The following ABCC6 variants were observed in gnomAD, a reference collection of about 807,000 sequenced individuals.
ABCC6 encodes ATP-binding cassette sub-family C member 6.
Under a neutral mutation model 169.5 loss-of-function variants are expected in ABCC6, and 126 were observed. The ratio of observed to expected loss-of-function variants is 0.74; its 90% CI spans 0.64 to 0.86. The LOEUF is 0.86. Ranked by LOEUF, ABCC6 falls within the 40% of genes least tolerant of loss-of-function variation. The probability of loss-of-function intolerance (pLI) is 0.00; values close to 1 mark genes in which losing one functional copy is unlikely to be tolerated. For missense variants in ABCC6, 1,733 were observed against 1,927.2 expected (o/e 0.90, Z 1.89); for synonymous variants, 752 against 814.7 (o/e 0.92, Z 1.31).
At chr16:16,204,599 G>A (rs2048335334) in intron 7 of ABCC6, among the ~76,000 whole-genome samples, 1 of 152,164 alleles carries the variant, frequency 6.6e-6, no homozygotes, top group Non-Finnish European at 1.5e-5. Context: ...CTAAGGTGAG[G>A]GAGGGAGAGG....
At chr16:16,185,170 T>G in intron 14 of ABCC6, 136 bp from the exon 15 acceptor site, 1 of 816,938 alleles carries the variant, frequency 1.2e-6, no homozygotes, top group Non-Finnish European at 2.1e-6. Context: ...CTGAACAAAT[T>G]GCCCTGCTAC....
Position 16,184,198 on chromosome 16 carries a change from CAAAAAAAAAAA to C in ABCC6, c.1943+750_1943+760del, listed in dbSNP as rs56071235. The stretch of plus-strand genomic sequence containing the variant: ...CGCGTGATAGAGCAAGACTCCGTTT[CAAAAAAAAAAA>C]AAAAAAAAAAAAAAAAAAGAACAGC... On this transcript the variant is annotated intron_variant, in intron 15 of 30. Transcript: ENST00000205557. The C allele has an allele frequency of 5.7e-3, 411 of 71,956 alleles. 5 individuals are homozygous for C. Among genetic ancestry groups the C allele is most frequent in the African/African-American group, 0.022 (359 of 16,156 alleles). 4.5% of individuals were successfully genotyped at this position (71,956 alleles called of 1,614,324 possible).
At chr16:16,201,966 G>T (rs760744877) in intron 9 of ABCC6, 35 bp downstream of exon 9, 2 of 1,613,208 alleles carry the variant, frequency 1.2e-6, no homozygotes, top group South Asian at 2.2e-5. Context: ...GCTTTTCCTG[G>T]CTGGGAAGAC....
chr16:16,195,881 G>T (rs1243248862), intron 10 of ABCC6, among the ~76,000 whole-genome samples: 2 of 151,870 alleles, frequency 1.3e-5, no homozygotes, highest in East Asian at 3.9e-4. Flanking sequence ...AGTTTTTTTT[G>T]GAATATTCAG....
rs752972412 is a variant in ABCC6, at chr16:16,165,750, G to C, written c.3179C>G (p.Pro1060Arg). The C allele has an allele frequency of 6.8e-6, 11 of 1,613,670 alleles. No homozygotes were observed. Among genetic ancestry groups the C allele is most frequent in the Non-Finnish European group, 4.2e-6 (5 of 1,180,046 alleles). The change falls in exon 23 of 31, where the codon CCA (proline) becomes CGA (arginine). Residue 1060 changes from proline to arginine, a missense_variant. Pro to Arg is a moderately radical substitution (Grantham distance 103). This residue lies in a region of ABCC6 where 1,601 missense variants were observed against 1,635.5 expected (regional missense o/e 0.98). Coordinates refer to ENST00000205557, the MANE Select transcript of ABCC6 (RefSeq NM_001171.6). ...CATCAGCAGGGACCGGAGTTTGTCT[G>C]GAATGTCCACGTCAACCGTGTCTGT... ...KETDTVDVDI[P>R]DKLRSLLMYA...
At chr16:16,182,706 A>G in intron 16 of ABCC6, 98 bp downstream of exon 16, 1 of 1,600,364 alleles carries the variant, frequency 6.2e-7, no homozygotes, top group African/African-American at 1.3e-5. Context: ...GAATGAGTGA[A>G]AGTGAACTTG....
chr16:16,168,823 G>A (rs1276799996), intron 22 of ABCC6, among the ~76,000 whole-genome samples: 2 of 152,154 alleles, frequency 1.3e-5, no homozygotes, highest in Admixed American at 6.5e-5. Flanking sequence ...GCTCACACCT[G>A]TAATCCCAAC....
rs781542001 is a variant in ABCC6, at chr16:16,150,790, A to G, written c.4209-18T>C. 3.7e-5 allele frequency: 60 copies of G among 1,612,466 alleles called. 1 individual carries two copies. The highest frequency in any genetic ancestry group is 4.6e-5 in the Non-Finnish European group (54 of 1,179,584). ...GGCCCACGCTGGGAACGATTGGGAC[A>G]ATTAGCTGGGACGTGCGTTTGTCGG... On this transcript the variant is annotated intron_variant, in intron 29 of 30. Coordinates refer to ENST00000205557, the MANE Select transcript of ABCC6 (RefSeq NM_001171.6).
chr16:16,185,078 C>A, intron 14 of ABCC6, 44 bp from the exon 15 acceptor site: 1 of 1,581,712 alleles, frequency 6.3e-7, no homozygotes, highest in Non-Finnish European at 8.7e-7. Flanking sequence ...CCTGACCTGG[C>A]CGGCCTCTGC....
At chr16:16,205,235 C>A (rs1293654536) in intron 7 of ABCC6, among the ~76,000 whole-genome samples, 2 of 152,112 alleles carry the variant, frequency 1.3e-5, no homozygotes, top group Non-Finnish European at 2.9e-5. Flanking sequence ...CCCCTGGATC[C>A]CCTTGCCAGG....
At chr16:16,161,704 A>C in intron 24 of ABCC6, 140 bp from the exon 25 acceptor site, 1 of 1,137,224 alleles carries the variant, frequency 8.8e-7, no homozygotes, top group Non-Finnish European at 1.3e-6. Flanking sequence ...ACCCAGGCTC[A>C]GGGAGTAGAG....
intron 20 of ABCC6, among the ~76,000 whole-genome samples, chr16:16,174,587 T>G (rs936190715): frequency 5.9e-5 from 9 of 151,780 alleles, no homozygotes; most frequent in African/African-American, 2.2e-4. Flanking sequence ...CAAAACCCTG[T>G]CTCTACTAAA....
intron 29 of ABCC6, 136 bp from the exon 30 acceptor site, chr16:16,150,908 T>TG: frequency 6.7e-7 from 1 of 1,497,988 alleles, no homozygotes; most frequent in South Asian, 1.3e-5. Context: ...ACATGGGGTC[T>TG]GGGGTCTGTG....
chr16:16,190,397 G>C, intron 11 of ABCC6, 30 bp from the exon 12 acceptor site: 1 of 1,612,508 alleles, frequency 6.2e-7, no homozygotes, highest in Non-Finnish European at 8.5e-7. Context: ...GAGAGATGAA[G>C]ACAGGGACAG....
intron 21 of ABCC6, among the ~76,000 whole-genome samples, chr16:16,172,239 G>T (rs2047124498): frequency 6.6e-6 from 1 of 150,948 alleles, no homozygotes; most frequent in Non-Finnish European, 1.5e-5. Context: ...ATGGGTGGGT[G>T]GGATGGATAA....
Position 16,208,702 on chromosome 16 carries a change from T to C in ABCC6, c.794+26A>G, listed in dbSNP as rs1401043509. ...TGAGCTTTTCTGAAGTAGCATCAGG[T>C]GAGTTCTTGACCTCCACCCACTTAC... is the stretch of plus-strand genomic sequence containing the variant. On this transcript the variant is annotated intron_variant, in intron 7 of 30. Transcript: ENST00000205557. 8.7e-6 allele frequency: 14 copies of C among 1,613,520 alleles called. No individual in the cohort carries two copies. The African/African-American group carries it at 1.5e-4, about 17-fold the overall frequency.
chr16:16,186,099 T>C (rs1221931587), intron 14 of ABCC6, among the ~76,000 whole-genome samples: 3 of 152,142 alleles, frequency 2.0e-5, no homozygotes, highest in Non-Finnish European at 2.9e-5. Flanking sequence ...CAGGCTCGGC[T>C]TCTTACCACT....
chr16:16,182,316 C>T (rs1175228728), intron 17 of ABCC6, 96 bp downstream of exon 17: 1 of 1,508,658 alleles, frequency 6.6e-7, no homozygotes, highest in Non-Finnish European at 9.2e-7. Flanking sequence ...AACCATTCCT[C>T]TCATTTCTCC....
chr16:16,157,558 G>A (rs2152215765), intron 27 of ABCC6, 105 bp downstream of exon 27: 1 of 1,452,368 alleles, frequency 6.9e-7, no homozygotes, highest in East Asian at 2.3e-5. Context: ...GGGGACCTGA[G>A]GTGGGGACAC....
Sources: allele counts gnomAD v4.1 joint callset (sites outside exome capture counted in the v4.1 genomes callset), GRCh38; gene constraint gnomAD v4.1.1; regional missense constraint gnomAD v4.1.1; transcripts MANE v1.5; gene names NCBI Gene and HGNC (gene_info 2026-07-23, HGNC 2026-07-21).